The following LRPPRC variants were observed in gnomAD, a reference collection of about 807,000 sequenced individuals.
LRPPRC encodes the protein leucine rich pentatricopeptide repeat containing.
In LRPPRC, 120 loss-of-function variants were observed where a neutral mutation model predicts 180.3. The observed-to-expected ratio is 0.67, with a 90% CI of 0.57 to 0.77. The LOEUF is 0.77. LRPPRC is among the 30% of genes least tolerant of loss of function. The pLI is 0.00. For synonymous variants in LRPPRC, 723 were observed against 600.0 expected, an observed-to-expected ratio of 1.21 and a Z score of -3.00; for missense variants, 2,012 against 1,657.2, an observed-to-expected ratio of 1.21 and a Z score of -3.72.
At chr2:43,927,031 A>C (rs972703276) in intron 25 of LRPPRC, among the ~76,000 whole-genome samples, 2 of 152,208 alleles carry the variant, frequency 1.3e-5, no homozygotes, top group African/African-American at 2.4e-5. Context: ...ACAATTTTGG[A>C]TACTGGAATA....
intron 11 of LRPPRC, among the ~76,000 whole-genome samples, chr2:43,967,988 T>A (rs1301402291): frequency 1.3e-5 from 2 of 152,114 alleles, no homozygotes; most frequent in Non-Finnish European, 2.9e-5. Flanking sequence ...AGATTTGTGT[T>A]AATCTTATGT....
chr2:43,939,071 G>A (rs1672377858), intron 23 of LRPPRC, among the ~76,000 whole-genome samples: 1 of 149,102 alleles, frequency 6.7e-6, no homozygotes, highest in African/African-American at 2.5e-5. Context: ...AGGAGATCGA[G>A]ACCATCCTGG....
chr2:43,914,958 C>T (rs1262186135), intron 29 of LRPPRC, among the ~76,000 whole-genome samples: 1 of 150,732 alleles, frequency 6.6e-6, no homozygotes. Context: ...CCTATAATCC[C>T]AGCACTTTGG....
chr2:43,944,310 T>C (rs1039140688), intron 22 of LRPPRC, among the ~76,000 whole-genome samples: 2 of 152,076 alleles, frequency 1.3e-5, no homozygotes, highest in African/African-American at 2.4e-5. Flanking sequence ...ACTAATGGTC[T>C]GATACCGATA....
intron 1 of LRPPRC, among the ~76,000 whole-genome samples, chr2:43,986,820 G>T (rs1674546361): frequency 6.6e-6 from 1 of 152,194 alleles, no homozygotes; most frequent in Non-Finnish European, 1.5e-5. Flanking sequence ...AACCTAGACA[G>T]TGAGAGTGAG....
intron 1 of LRPPRC, among the ~76,000 whole-genome samples, chr2:43,995,563 G>T (rs1243730642): frequency 2.0e-5 from 3 of 152,224 alleles, no homozygotes; most frequent in Non-Finnish European, 2.9e-5. Context: ...CTGAAGTGGC[G>T]GGGGCAGGAT....
intron 30 of LRPPRC, among the ~76,000 whole-genome samples, chr2:43,910,237 C>CT (rs1671208598): frequency 9.8e-6 from 1 of 102,520 alleles, no homozygotes; most frequent in South Asian, 3.1e-4. Flanking sequence ...ACATCTCTCT[C>CT]CCTTTTTTTT....
At chr2:43,968,353 T>G (rs1018522655) in intron 11 of LRPPRC, among the ~76,000 whole-genome samples, 1 of 152,236 alleles carries the variant, frequency 6.6e-6, no homozygotes, top group Admixed American at 6.5e-5. Flanking sequence ...AATAATTTTC[T>G]GACCTATAAG....
At chr2:43,908,967 A>G (rs774492161) in intron 30 of LRPPRC, among the ~76,000 whole-genome samples, 3 of 152,208 alleles carry the variant, frequency 2.0e-5, no homozygotes, top group Non-Finnish European at 4.4e-5. Flanking sequence ...AGCTCATTTG[A>G]CCACCATATT....
intron 9 of LRPPRC, 85 bp from the exon 10 acceptor site, chr2:43,973,985 T>C (rs1673936305): frequency 3.6e-6 from 4 of 1,111,414 alleles, no homozygotes; most frequent in South Asian, 1.2e-5. Context: ...ACTTCTGAGA[T>C]GAGCATTTTA....
rs10542740 is a variant in LRPPRC at position 43,909,611 on chromosome 2, TTAATAATAATAATAA to T, written c.3275+2806_3275+2820del. ...TTCTCTCTCACACAAAAAAACCCAA[TTAATAATAATAATAA>T]TAATAATAATAATAATAATAATATT... is the stretch of plus-strand genomic sequence containing the variant. On this transcript the variant is annotated intron_variant, in intron 30 of 37. Coordinates refer to ENST00000260665, the MANE Select transcript of LRPPRC (RefSeq NM_133259.4). 2.6e-3 allele frequency among the ~76,000 whole-genome samples: 371 copies of T among 143,712 alleles called. 1 individual carries two copies. The highest frequency in any genetic ancestry group is 8.7e-3 in the African/African-American group (339 of 39,074). The allele number at this position is 143,712 out of a possible 152,430, so 94.3% of individuals were successfully genotyped here.
chr2:43,994,917 C>A (rs113710280), intron 1 of LRPPRC, among the ~76,000 whole-genome samples: 41 of 152,344 alleles, frequency 2.7e-4, no homozygotes, highest in African/African-American at 8.9e-4. Flanking sequence ...CAGATTCCAA[C>A]AGAGTGCCTT....
At chr2:43,938,671 T>C (rs539497754) in intron 23 of LRPPRC, among the ~76,000 whole-genome samples, 1 of 152,316 alleles carries the variant, frequency 6.6e-6, no homozygotes, top group African/African-American at 2.4e-5. Flanking sequence ...AACTGAAGTA[T>C]GCTATAACGT....
At chr2:43,976,751 C>T (rs1674074494) in intron 5 of LRPPRC, among the ~76,000 whole-genome samples, 1 of 148,072 alleles carries the variant, frequency 6.8e-6, no homozygotes, top group Non-Finnish European at 1.5e-5. Context: ...TATAGCTCAA[C>T]AACTTTATAC....
chr2:43,922,570 T>TAA (rs1671735787), intron 27 of LRPPRC, among the ~76,000 whole-genome samples: 1 of 152,074 alleles, frequency 6.6e-6, no homozygotes, highest in African/African-American at 2.4e-5. Context: ...CCATCCTGGC[T>TAA]AACACAGTGA....
chr2:43,917,994 C>CA, intron 29 of LRPPRC, 31 bp downstream of exon 29: 1 of 1,442,602 alleles, frequency 6.9e-7, no homozygotes, highest in Non-Finnish European at 9.7e-7. Flanking sequence ...ACCACCCCCC[C>CA]ACACACACCC....
At chr2:43,965,139 T>A (rs1673500040) in intron 11 of LRPPRC, among the ~76,000 whole-genome samples, 1 of 152,156 alleles carries the variant, frequency 6.6e-6, no homozygotes, top group Non-Finnish European at 1.5e-5. Flanking sequence ...GTAGCTGGGA[T>A]TAAAGGCGCA....
At chr2:43,965,910 G>T (rs756332092) in intron 11 of LRPPRC, among the ~76,000 whole-genome samples, 1 of 152,172 alleles carries the variant, frequency 6.6e-6, no homozygotes, top group Non-Finnish European at 1.5e-5. Context: ...GTCTACTGTT[G>T]GTGGGAGAGT....
chr2:43,958,908 G>C, intron 13 of LRPPRC: 1 of 293,068 alleles, frequency 3.4e-6, no homozygotes, highest in Non-Finnish European at 6.2e-6. Context: ...AAACTTCTTG[G>C]CATTTTTCTT....
Sources: gnomAD v4.1 joint callset for allele counts (sites outside exome capture counted in the v4.1 genomes callset) on GRCh38, gnomAD v4.1.1 for gene constraint, MANE v1.5 for transcripts, NCBI Gene and HGNC (gene_info 2026-07-23, HGNC 2026-07-21) for gene names.